Variants in EMID1 observed in about 807,000 individuals in gnomAD.
EMID1 encodes the protein EMI domain-containing protein 1.
A neutral mutation model predicts 60.6 loss-of-function variants in EMID1; 40 were observed. The observed-to-expected ratio is 0.66, with a 90% CI of 0.51 to 0.86. The LOEUF is 0.86. EMID1 is among the 40% of genes least tolerant of loss of function. The pLI is 0.00. For missense variants in EMID1, 585 were observed against 597.1 expected, an observed-to-expected ratio of 0.98 and a Z score of 0.21; for synonymous variants, 242 against 231.0, an observed-to-expected ratio of 1.05 and a Z score of -0.43.
At chr22:29,256,718 T>C (rs1448578738) in intron 14 of EMID1, among the ~76,000 whole-genome samples, 1 of 151,984 alleles carries the variant, frequency 6.6e-6, no homozygotes, top group East Asian at 1.9e-4. Flanking sequence ...GAGTCACTTG[T>C]CCCTAGGGGT....
intron 14 of EMID1, 129 bp from the exon 15 acceptor site, chr22:29,258,688 G>A: frequency 1.4e-6 from 2 of 1,402,384 alleles, no homozygotes; most frequent in Non-Finnish European, 1.9e-6. Flanking sequence ...CAGCTCTGCA[G>A]CCAGATACCA....
At position 29,240,525 on chromosome 22, in the gene EMID1, G is replaced by A. The variant is rs531550181; in HGVS notation, c.1075-2920G>A. 1.3e-4 allele frequency among the ~76,000 whole-genome samples: 20 copies of A among 152,164 alleles called. No individual in the cohort carries two copies. In the South Asian group the frequency reaches 2.7e-3, roughly 21 times the overall value. On this transcript the variant is annotated intron_variant, in intron 12 of 14. Coordinates refer to ENST00000334018, the MANE Select transcript of EMID1 (RefSeq NM_133455.4). ...CTAAGCCCAGGGCATAAAACCCCTCGTGACTTGGATGGAATCCAGGGCTCA... is the reference window on the plus strand; with the variant it reads ...CTAAGCCCAGGGCATAAAACCCCTCATGACTTGGATGGAATCCAGGGCTCA...
Position 29,246,111 on chromosome 22 carries a change from A to C in EMID1, c.1119+2622A>C, listed in dbSNP as rs140550506. ...GAGCCAGGTGAAGCCTGAAAGGTGC[A>C]TTAACCAGGCACGGAGTGTCCAGGC... On this transcript the variant is annotated intron_variant, in intron 13 of 14. Transcript: ENST00000334018. Among the ~76,000 whole-genome samples, 812 of 152,344 alleles carry C rather than the reference A, an allele frequency of 5.3e-3. 9 individuals are homozygous for C. The highest frequency in any genetic ancestry group is 7.7e-3 in the Non-Finnish European group (527 of 68,034).
intron 14 of EMID1, chr22:29,255,570 T>TG: frequency 4.7e-6 from 2 of 423,196 alleles, no homozygotes; most frequent in Non-Finnish European, 8.5e-6. Flanking sequence ...GGCACCTTGC[T>TG]GGGACAGGCT....
chr22:29,243,513 C>T (rs778047921), intron 13 of EMID1, 24 bp downstream of exon 13: 1 of 1,614,034 alleles, frequency 6.2e-7, no homozygotes, highest in Non-Finnish European at 8.5e-7. Context: ...TGGCACTGGC[C>T]TCTCCCTGCC....
chr22:29,222,774 G>T lies in EMID1; in HGVS notation c.320-2359G>T, dbSNP rs139101290. 8.9e-3 allele frequency among the ~76,000 whole-genome samples: 1,353 copies of T among 152,254 alleles called. 13 individuals are homozygous for T. The highest frequency in any genetic ancestry group is 0.037 in the Middle Eastern group (11 of 294). ...CTTGCTCAAAATTTATTTTCAGTTG[G>T]TGATTCATGTATTCATCAACAAAAG... On this transcript the variant is annotated intron_variant, in intron 3 of 14. Coordinates refer to ENST00000334018, the MANE Select transcript of EMID1 (RefSeq NM_133455.4).
chr22:29,246,085 G>A (rs2041320926), intron 13 of EMID1, among the ~76,000 whole-genome samples: 1 of 152,216 alleles, frequency 6.6e-6, no homozygotes. Flanking sequence ...TCCTCCCGGA[G>A]GAGCCAGGTG....
intron 5 of EMID1, 23 bp downstream of exon 5, chr22:29,226,574 G>T: frequency 6.2e-7 from 1 of 1,605,546 alleles, no homozygotes; most frequent in Non-Finnish European, 8.5e-7. Context: ...CTCCCTCCTG[G>T]GTGGTTGTTC....
chr22:29,252,622 G>A (rs949676368), intron 13 of EMID1, among the ~76,000 whole-genome samples: 6 of 152,188 alleles, frequency 3.9e-5, no homozygotes, highest in Non-Finnish European at 8.8e-5. Context: ...TGCAGATGGG[G>A]AGAAAGAGAT....
At chr22:29,234,589 A>C (rs559468150) in intron 12 of EMID1, among the ~76,000 whole-genome samples, 1 of 150,328 alleles carries the variant, frequency 6.7e-6, no homozygotes, top group South Asian at 2.1e-4. Context: ...TGTCTCTTTG[A>C]CTCTGTATTT....
chr22:29,215,214 C>A (rs2040040165), intron 2 of EMID1, 175 bp downstream of exon 2: 1 of 985,414 alleles, frequency 1.0e-6, no homozygotes, highest in African/African-American at 1.7e-5. Flanking sequence ...TGTTGAAGCA[C>A]CCTGGAGGGC....
intron 8 of EMID1, 44 bp downstream of exon 8, chr22:29,232,446 T>C (rs1402397664): frequency 6.6e-7 from 1 of 1,508,826 alleles, no homozygotes; most frequent in East Asian, 2.4e-5. Context: ...GGGGGTGGAG[T>C]AGCCATCAGC....
In EMID1 at chr22:29,258,954, C is replaced by T. The variant is rs1420581284; in HGVS notation, c.*10C>T. The T allele has an allele frequency of 3.9e-5, 63 of 1,609,856 alleles. No individual in the cohort carries two copies. The highest frequency in any genetic ancestry group is 1.6e-4 in the East Asian group (7 of 44,684). The stretch of plus-strand genomic sequence containing the variant: ...GGACGAGAGAGGCTGAGGGTGGTGG[C>T]GGCCCCTGAGGCAGACCAGGCCAGG... On this transcript the variant is annotated 3_prime_UTR_variant, in exon 15 of 15. Coordinates refer to ENST00000334018, the MANE Select transcript of EMID1 (RefSeq NM_133455.4).
intron 14 of EMID1, among the ~76,000 whole-genome samples, chr22:29,257,209 G>C (rs1035741464): frequency 2.6e-5 from 4 of 152,188 alleles, no homozygotes; most frequent in Non-Finnish European, 4.4e-5. Context: ...GACAGGTCGG[G>C]GGACTGGGAA....
chr22:29,237,247 A>T (rs2146335345), intron 12 of EMID1, among the ~76,000 whole-genome samples: 1 of 142,198 alleles, frequency 7.0e-6, no homozygotes, highest in East Asian at 2.1e-4. Context: ...CAGTGGTGTG[A>T]TCTCTGCTAC....
intron 5 of EMID1, among the ~76,000 whole-genome samples, chr22:29,229,145 C>G (rs1353060608): frequency 3.3e-5 from 5 of 151,858 alleles, no homozygotes; most frequent in Non-Finnish European, 7.4e-5. Flanking sequence ...AGCCCGAGAC[C>G]AGCCTGGGCA....
intron 3 of EMID1, among the ~76,000 whole-genome samples, chr22:29,220,035 A>C (rs1304962803): frequency 2.0e-5 from 3 of 149,414 alleles, no homozygotes; most frequent in East Asian, 2.0e-4. Context: ...AGCAACCCCC[A>C]CCTCCTGCCA....
intron 13 of EMID1, among the ~76,000 whole-genome samples, chr22:29,249,411 C>T (rs5763101): frequency 0.58 from 87,386 of 151,106 alleles, 25,469 homozygotes; most frequent in Middle Eastern, 0.64. Context: ...GGATTACAGG[C>T]GTGCACGCAC....
intron 1 of EMID1, among the ~76,000 whole-genome samples, chr22:29,209,910 G>A (rs2039816454): frequency 6.6e-6 from 1 of 152,134 alleles, no homozygotes; most frequent in Admixed American, 6.5e-5. Context: ...CTCCACAGTG[G>A]GTGGTGGCAA....
Sources: gnomAD v4.1 joint callset for allele counts (sites outside exome capture counted in the v4.1 genomes callset) on GRCh38, gnomAD v4.1.1 for gene constraint, MANE v1.5 for transcripts, NCBI Gene and HGNC (gene_info 2026-07-23, HGNC 2026-07-21) for gene names.